The following PRKX variants were observed in gnomAD, a reference collection of about 807,000 sequenced individuals.
PRKX encodes the protein cAMP-dependent protein kinase catalytic subunit PRKX.
PRKX carries 12 observed loss-of-function variants against 22.0 expected under a neutral mutation model. The ratio of observed to expected loss-of-function variants is 0.54; its 90% confidence interval spans 0.35 to 0.88. The LOEUF is 0.88. Among genes scored for constraint, PRKX ranks in the 40% least tolerant of loss-of-function variants. The pLI, the probability that PRKX is intolerant of heterozygous loss-of-function variation, is 0.01. For synonymous variants in PRKX, 134 were observed against 137.7 expected, an observed-to-expected ratio of 0.97 and a Z score of 0.19; for missense variants, 217 against 308.0, an observed-to-expected ratio of 0.70 and a Z score of 2.21.
intron 3 of PRKX, among the ~76,000 whole-genome samples, chrX:3,650,761 C>T (rs2146580271): frequency 9.4e-6 from 1 of 106,296 alleles, no homozygotes; most frequent in African/African-American, 3.5e-5. Context: ...TGCCTGTAAT[C>T]CCAGCTACTT....
chrX:3,612,296 G>A lies in PRKX; in HGVS notation c.981C>T (p.Asp327=), dbSNP rs146727237. The change falls in exon 8 of 9, where the codon GAC becomes GAT. Residue 327 remains aspartate, a synonymous_variant. Coordinates refer to ENST00000262848, the MANE Select transcript of PRKX (RefSeq NM_005044.5). Reference sequence around the variant, plus strand: ...AAGTTTCGAAGTTGGAAGTGTCGCCGTCACCAGCTATCTTGGGCACGATGG... The same window carrying A: ...AAGTTTCGAAGTTGGAAGTGTCGCCATCACCAGCTATCTTGGGCACGATGG... ...KPPIVPKIAG[D]GDTSNFETYP... 771 of 1,208,213 alleles carry A rather than the reference G, an allele frequency of 6.4e-4. 5 individuals carry two copies. In the African/African-American group the frequency reaches 0.011, roughly 16 times the overall value.
At chrX:3,689,509 C>G (rs1043310423) in intron 1 of PRKX, among the ~76,000 whole-genome samples, 1 of 111,726 alleles carries the variant, frequency 9.0e-6, no homozygotes, top group African/African-American at 3.3e-5. Context: ...GAGACCCCGT[C>G]TCTATTAAAA....
intron 1 of PRKX, among the ~76,000 whole-genome samples, chrX:3,700,876 A>G (rs1257428706): frequency 1.8e-5 from 2 of 111,551 alleles, no homozygotes; most frequent in Non-Finnish European, 3.8e-5. Flanking sequence ...TTGGGGGATT[A>G]CAGGTGTTCA....
At chrX:3,628,795 CTT>C (rs888985946) in intron 4 of PRKX, among the ~76,000 whole-genome samples, 14 of 110,870 alleles carry the variant, frequency 1.3e-4, no homozygotes, top group African/African-American at 4.6e-4. Flanking sequence ...AATCCCAACA[CTT>C]TGAGAGGCTG....
In PRKX at chrX:3,706,827, C is replaced by T. The variant is rs1347744282; in HGVS notation, c.166+6261G>A. ...CATCCCTTCTCTCAGACCCTCTTTCCCATTAAGAAAATAAGGCTACAAGCA... is the reference window on the plus strand; with the variant it reads ...CATCCCTTCTCTCAGACCCTCTTTCTCATTAAGAAAATAAGGCTACAAGCA... On this transcript the variant is annotated intron_variant, in intron 1 of 8. Transcript: ENST00000262848. Among the ~76,000 whole-genome samples the T allele has an allele frequency of 2.7e-5, 3 of 112,034 alleles. No homozygotes were observed. In the East Asian group the frequency reaches 8.4e-4, roughly 32 times the overall value.
intron 1 of PRKX, 76 bp from the exon 2 acceptor site, chrX:3,674,842 CG>C: frequency 8.9e-7 from 1 of 1,118,975 alleles, no homozygotes; most frequent in East Asian, 3.0e-5. Flanking sequence ...ATGCAATCAG[CG>C]GGGGGCTGCA....
intron 7 of PRKX, among the ~76,000 whole-genome samples, chrX:3,613,020 G>A (rs1242963001): frequency 9.4e-6 from 1 of 106,769 alleles, no homozygotes; most frequent in African/African-American, 3.4e-5. Context: ...GCATAGTGGT[G>A]GGTGCCTGTA....
chrX:3,666,569 G>C, intron 2 of PRKX, among the ~76,000 whole-genome samples: 1 of 111,775 alleles, frequency 8.9e-6, no homozygotes, highest in Non-Finnish European at 1.9e-5. Flanking sequence ...TCAGGAGTTT[G>C]AGAACAGCCT....
Position 3,656,657 on chromosome X carries a change from A to G in PRKX, c.336-1245T>C, listed in dbSNP as rs1927487165. ...TGCATATAGAAAGGTGTAATTCATCAGTATAGGTAGATGCTAAGACGTGTG... is the reference window on the plus strand; with the variant it reads ...TGCATATAGAAAGGTGTAATTCATCGGTATAGGTAGATGCTAAGACGTGTG... On this transcript the variant is annotated intron_variant, in intron 2 of 8. Transcript: ENST00000262848. Among the ~76,000 whole-genome samples, 5 of 111,457 alleles carry G rather than the reference A, an allele frequency of 4.5e-5. No individual in the cohort carries two copies. In the South Asian group the frequency reaches 1.9e-3, roughly 42 times the overall value.
chrX:3,705,010 A>C (rs1214429730), intron 1 of PRKX, among the ~76,000 whole-genome samples: 2 of 111,904 alleles, frequency 1.8e-5, no homozygotes, highest in African/African-American at 6.5e-5. Context: ...TAAAAGAGGT[A>C]ATGATAGACC....
At chrX:3,691,154 C>T (rs758411792) in intron 1 of PRKX, among the ~76,000 whole-genome samples, 25 of 111,607 alleles carry the variant, frequency 2.2e-4, no homozygotes, top group Non-Finnish European at 4.1e-4. Context: ...CAGTTTGTGG[C>T]GGGAGTTACG....
chrX:3,703,500 G>A (rs1928619702), intron 1 of PRKX, among the ~76,000 whole-genome samples: 1 of 110,372 alleles, frequency 9.1e-6, no homozygotes, highest in African/African-American at 3.3e-5. Context: ...TGCTGGAGGG[G>A]GAAGGAATTT....
chrX:3,631,875 G>C (rs1271426655), intron 4 of PRKX, among the ~76,000 whole-genome samples: 1 of 112,577 alleles, frequency 8.9e-6, no homozygotes, highest in East Asian at 2.8e-4. Flanking sequence ...CTGGTCTCCC[G>C]GACTAAGAGA....
Position 3,690,590 on chromosome X carries a change from G to C in PRKX, c.167-15824C>G, listed in dbSNP as rs752833194. On this transcript the variant is annotated intron_variant, in intron 1 of 8. Transcript: ENST00000262848. ...CTACTAAAAACACAAAAAACAGCCA[G>C]GCATGGTGGCATGCGACTATAGTCC... Among the ~76,000 whole-genome samples, 3 of 111,483 alleles carry C rather than the reference G, an allele frequency of 2.7e-5. No individual in the cohort carries two copies. In the South Asian group the frequency reaches 1.1e-3, roughly 42 times the overall value.
Position 3,608,318 on chromosome X carries a change from T to C in PRKX, c.*651A>G, listed in dbSNP as rs1309075141. 9.1e-6 allele frequency: 1 copy of C among 110,314 alleles called. No homozygotes were observed. The highest frequency in any genetic ancestry group is 1.9e-5 in the Non-Finnish European group (1 of 52,894). 9.1% of individuals were successfully genotyped at this position (110,314 alleles called of 1,213,427 possible). A position where few individuals can be genotyped will look rare whatever the true frequency, so the allele number is the denominator to read the frequency against. ...CCTCTTTGTTTCTTCTTTTAAAGTC[T>C]CAAGTTACCAGGTAAGAAGCACTAA... On this transcript the variant is annotated 3_prime_UTR_variant, in exon 9 of 9. Transcript: ENST00000262848.
intron 1 of PRKX, among the ~76,000 whole-genome samples, chrX:3,689,505 C>G (rs1473723200): frequency 9.0e-6 from 1 of 111,572 alleles, no homozygotes; most frequent in African/African-American, 3.3e-5. Flanking sequence ...TAACGAGACC[C>G]CGTCTCTATT....
At chrX:3,641,831 C>T (rs1208755866) in intron 4 of PRKX, 21 bp downstream of exon 4, 1 of 451,441 alleles carries the variant, frequency 2.2e-6, no homozygotes, top group Non-Finnish European at 3.7e-6. Flanking sequence ...GATGAAGATT[C>T]TCTACAGAGA....
intron 1 of PRKX, among the ~76,000 whole-genome samples, chrX:3,678,821 G>C (rs1028567459): frequency 2.7e-5 from 3 of 111,548 alleles, no homozygotes; most frequent in Non-Finnish European, 5.6e-5. Context: ...TATCCCACTT[G>C]AGGAGAAAAT....
chrX:3,676,994 T>G (rs757051199), intron 1 of PRKX, among the ~76,000 whole-genome samples: 4 of 112,047 alleles, frequency 3.6e-5, no homozygotes. Flanking sequence ...ACCTCTTTCC[T>G]TTATAAATTA....
Sources: gnomAD v4.1 joint callset for allele counts (sites outside exome capture counted in the v4.1 genomes callset) on GRCh38, gnomAD v4.1.1 for gene constraint, MANE v1.5 for transcripts, NCBI Gene and HGNC (gene_info 2026-07-23, HGNC 2026-07-21) for gene names.